Variants in TPST1 observed in about 807,000 individuals in gnomAD.
TPST1 encodes tyrosylprotein sulfotransferase 1.
In TPST1, 20 loss-of-function variants were observed where a neutral mutation model predicts 34.8. The observed-to-expected ratio is 0.57, with a 90% CI of 0.40 to 0.84. The LOEUF (loss-of-function observed/expected upper bound fraction) is 0.84. Among genes scored for constraint, TPST1 ranks in the 40% least tolerant of loss-of-function variants. The pLI is 0.00. For missense variants in TPST1, 353 were observed against 455.5 expected (o/e 0.78, Z 2.05); for synonymous variants, 152 against 159.4 (o/e 0.95, Z 0.35).
intron 3 of TPST1, among the ~76,000 whole-genome samples, chr7:66,329,545 A>G (rs1026831436): frequency 3.3e-5 from 5 of 152,204 alleles, no homozygotes; most frequent in African/African-American, 7.2e-5. Flanking sequence ...GAAGACGTGT[A>G]TGAGGTTTTT....
At chr7:66,326,741 T>C (rs1221313266) in intron 3 of TPST1, among the ~76,000 whole-genome samples, 1 of 152,240 alleles carries the variant, frequency 6.6e-6, no homozygotes, top group Non-Finnish European at 1.5e-5. Flanking sequence ...TCATTGAAAG[T>C]TGATACACTG....
chr7:66,284,441 A>C (rs1052323335), intron 2 of TPST1, among the ~76,000 whole-genome samples: 3 of 144,512 alleles, frequency 2.1e-5, no homozygotes, highest in Non-Finnish European at 3.1e-5. Flanking sequence ...CATACTGTCT[A>C]TATTATTGAA....
At chr7:66,346,766 T>G (rs1226623118) in intron 3 of TPST1, among the ~76,000 whole-genome samples, 1 of 152,142 alleles carries the variant, frequency 6.6e-6, no homozygotes, top group African/African-American at 2.4e-5. Context: ...TTTCTTCCAT[T>G]TGGGGGATTG....
chr7:66,302,128 C>T (rs1791330199), intron 3 of TPST1, among the ~76,000 whole-genome samples: 2 of 152,162 alleles, frequency 1.3e-5, no homozygotes, highest in South Asian at 4.1e-4. Flanking sequence ...CAGTTCTTTC[C>T]TCCAGCAGGT....
chr7:66,293,752 A>G (rs1034051005), intron 3 of TPST1, among the ~76,000 whole-genome samples: 7 of 152,148 alleles, frequency 4.6e-5, no homozygotes, highest in Non-Finnish European at 1.0e-4. Context: ...TAGCCACTTT[A>G]CTTTTAAACC....
chr7:66,253,046 A>G (rs975656024), intron 2 of TPST1, among the ~76,000 whole-genome samples: 4 of 152,142 alleles, frequency 2.6e-5, no homozygotes, highest in Non-Finnish European at 5.9e-5. Context: ...TTCAGGGGGG[A>G]AAAATTCCAC....
intron 3 of TPST1, among the ~76,000 whole-genome samples, chr7:66,344,956 C>T (rs1208693667): frequency 1.3e-5 from 2 of 149,536 alleles, no homozygotes; most frequent in South Asian, 4.2e-4. Flanking sequence ...GATCTCCTGA[C>T]CTTGTGATCC....
At chr7:66,294,909 A>G (rs1252259469) in intron 3 of TPST1, among the ~76,000 whole-genome samples, 1 of 152,170 alleles carries the variant, frequency 6.6e-6, no homozygotes, top group African/African-American at 2.4e-5. Context: ...TTTTAAACAT[A>G]ATTTTTATAG....
At chr7:66,356,930 G>A in intron 5 of TPST1, 59 bp downstream of exon 5, 2 of 1,573,446 alleles carry the variant, frequency 1.3e-6, no homozygotes, top group African/African-American at 1.3e-5. Context: ...CTTGCAGGGG[G>A]CTGGGTGGCC....
chr7:66,338,013 TA>T (rs1338804997), intron 3 of TPST1, among the ~76,000 whole-genome samples: 2 of 152,114 alleles, frequency 1.3e-5, no homozygotes, highest in Non-Finnish European at 2.9e-5. Context: ...ACTTTGAATA[TA>T]AATGGATTAA....
At chr7:66,348,933 T>G (rs912567664) in intron 3 of TPST1, among the ~76,000 whole-genome samples, 1 of 151,690 alleles carries the variant, frequency 6.6e-6, no homozygotes, top group African/African-American at 2.4e-5. Flanking sequence ...ATACCTAGGT[T>G]TTTTTTTTCT....
intron 2 of TPST1, among the ~76,000 whole-genome samples, chr7:66,263,720 TA>T (rs144448052): frequency 6.6e-6 from 1 of 152,304 alleles, no homozygotes; most frequent in African/African-American, 2.4e-5. Flanking sequence ...ATTGATTTAT[TA>T]GGAAGCTAGG....
intron 2 of TPST1, among the ~76,000 whole-genome samples, chr7:66,248,922 C>T (rs1197652858): frequency 6.6e-6 from 1 of 152,080 alleles, no homozygotes; most frequent in Non-Finnish European, 1.5e-5. Context: ...TGATTTCTCG[C>T]AGTTTTGGAG....
At chr7:66,241,901 C>T (rs892723408) in intron 2 of TPST1, among the ~76,000 whole-genome samples, 1 of 152,190 alleles carries the variant, frequency 6.6e-6, no homozygotes, top group Non-Finnish European at 1.5e-5. Context: ...GTGCTTTTCT[C>T]CGTGGCATTT....
intron 1 of TPST1, among the ~76,000 whole-genome samples, chr7:66,223,853 C>T (rs544513869): frequency 9.2e-5 from 14 of 152,330 alleles, no homozygotes; most frequent in African/African-American, 3.4e-4. Context: ...TTCCTGCTCT[C>T]AGATATTTCT....
intron 2 of TPST1, among the ~76,000 whole-genome samples, chr7:66,274,643 G>C (rs1481477498): frequency 2.0e-5 from 3 of 152,254 alleles, no homozygotes; most frequent in Admixed American, 6.5e-5. Flanking sequence ...TCAACAGAGT[G>C]AAGAGACAAC....
intron 1 of TPST1, among the ~76,000 whole-genome samples, chr7:66,224,095 G>T (rs1789600409): frequency 6.6e-6 from 1 of 152,080 alleles, no homozygotes; most frequent in Non-Finnish European, 1.5e-5. Context: ...AGTGGGTCTG[G>T]TGCCAGCCCC....
chr7:66,260,385 A>G (rs1042722247), intron 2 of TPST1, among the ~76,000 whole-genome samples: 1 of 152,232 alleles, frequency 6.6e-6, no homozygotes, highest in African/African-American at 2.4e-5. Flanking sequence ...TGTGAATGTC[A>G]CAAAATTTCG....
chr7:66,348,037 A>G (rs1444531905), intron 3 of TPST1, among the ~76,000 whole-genome samples: 1 of 152,208 alleles, frequency 6.6e-6, no homozygotes, highest in African/African-American at 2.4e-5. Flanking sequence ...CCACCAACCT[A>G]TGGTAACTCC....
Sources: allele counts gnomAD v4.1 joint callset (sites outside exome capture counted in the v4.1 genomes callset), GRCh38; gene constraint gnomAD v4.1.1; transcripts MANE v1.5; gene names NCBI Gene and HGNC (gene_info 2026-07-23, HGNC 2026-07-21).